The following ODAD2 variants were observed in gnomAD, a reference collection of about 807,000 sequenced individuals.
The protein encoded by ODAD2 is outer dynein arm docking complex subunit 2.
Under a neutral mutation model 106.8 loss-of-function variants are expected in ODAD2, and 89 were observed. That is an observed-to-expected ratio of 0.83 (90% CI 0.70 to 0.99). The LOEUF is 0.99. ODAD2 is among the 50% of genes least tolerant of loss of function. The probability of loss-of-function intolerance (pLI) is 0.00; values close to 1 mark genes in which losing one functional copy is unlikely to be tolerated. For synonymous variants in ODAD2, 404 were observed against 436.2 expected (o/e 0.93, Z 0.92); for missense variants, 1,168 against 1,238.5 (o/e 0.94, Z 0.85).
chr10:27,863,173 T>A (rs1023897722), intron 17 of ODAD2, among the ~76,000 whole-genome samples: 1 of 152,164 alleles, frequency 6.6e-6, no homozygotes, highest in African/African-American at 2.4e-5. Context: ...GCATTATAGC[T>A]CATGCAATGG....
chr10:27,924,614 GAAAA>G (rs60226782), intron 16 of ODAD2, among the ~76,000 whole-genome samples: 884 of 12,554 alleles, frequency 0.07, 7 homozygotes, highest in Non-Finnish European at 0.098. Flanking sequence ...TGATTAGGAG[GAAAA>G]AAAAAAAAAA....
At position 27,847,623 on chromosome 10, in the gene ODAD2, A is replaced by T. The variant is rs999637588; in HGVS notation, c.3021+13002T>A. Among the ~76,000 whole-genome samples the T allele has an allele frequency of 1.0e-3, 152 of 152,082 alleles. 3 individuals carry two copies. Among genetic ancestry groups the T allele is most frequent in the Non-Finnish European group, 4.3e-4 (29 of 68,020 alleles). On this transcript the variant is annotated intron_variant, in intron 19 of 19. Coordinates refer to ENST00000305242, the MANE Select transcript of ODAD2 (RefSeq NM_018076.5). ...AGGGTATTCAATTAGGAAAAGAGGA[A>T]GTCAAATTGTCCCTGTTTGCAGATG...
intron 16 of ODAD2, among the ~76,000 whole-genome samples, chr10:27,925,422 A>G (rs1845187127): frequency 6.6e-6 from 1 of 152,214 alleles, no homozygotes. Flanking sequence ...CAGTGATGCA[A>G]TCATGGCTTA....
intron 19 of ODAD2, among the ~76,000 whole-genome samples, chr10:27,823,375 T>G (rs1836763971): frequency 6.6e-6 from 1 of 151,820 alleles, no homozygotes; most frequent in Non-Finnish European, 1.5e-5. Flanking sequence ...GAAAAAAATA[T>G]TCCCATAGAT....
At chr10:27,973,411 G>T (rs1278877588) in intron 7 of ODAD2, among the ~76,000 whole-genome samples, 1 of 152,070 alleles carries the variant, frequency 6.6e-6, no homozygotes. Context: ...ACAGGTGTTT[G>T]CTGTACAGAT....
intron 10 of ODAD2, among the ~76,000 whole-genome samples, chr10:27,945,577 C>T (rs567346032): frequency 3.3e-5 from 5 of 152,206 alleles, no homozygotes; most frequent in East Asian, 3.9e-4. Flanking sequence ...TCTTGCAAAC[C>T]AATGTCTTCT....
At chr10:27,814,042 T>C (rs989730443) in intron 19 of ODAD2, among the ~76,000 whole-genome samples, 1 of 152,006 alleles carries the variant, frequency 6.6e-6, no homozygotes. Flanking sequence ...GTTGTAGGAG[T>C]CTCTTCTTGG....
At chr10:27,905,201 T>A (rs1338290074) in intron 17 of ODAD2, 3 of 182,014 alleles carry the variant, frequency 1.6e-5, no homozygotes, top group Admixed American at 5.0e-5. Context: ...GACAATAAAA[T>A]CTCGAGGTTA....
intron 3 of ODAD2, 65 bp downstream of exon 3, chr10:27,987,321 T>A: frequency 6.8e-7 from 1 of 1,477,820 alleles, no homozygotes; most frequent in Admixed American, 1.9e-5. Flanking sequence ...CTCCCACCCT[T>A]TCCCCACTTT....
intron 9 of ODAD2, among the ~76,000 whole-genome samples, chr10:27,962,530 A>T (rs979005191): frequency 4.6e-5 from 7 of 152,240 alleles, no homozygotes; most frequent in African/African-American, 1.7e-4. Flanking sequence ...TTGCAAGGGC[A>T]CAAGGTGCCA....
chr10:27,948,992 C>T lies in ODAD2; in HGVS notation c.1387-4030G>A, dbSNP rs184442290. 2.7e-3 allele frequency among the ~76,000 whole-genome samples: 403 copies of T among 152,028 alleles called. 8 individuals are homozygous for T. Among genetic ancestry groups the T allele is most frequent in the Non-Finnish European group, 1.3e-3 (90 of 67,972 alleles). ...GAATTAAAGATAATTTCCTCAACTACGTTTTTTTAATTACTTCAAATAAAA... is the reference window on the plus strand; with the variant it reads ...GAATTAAAGATAATTTCCTCAACTATGTTTTTTTAATTACTTCAAATAAAA... On this transcript the variant is annotated intron_variant, in intron 10 of 19. Transcript: ENST00000305242.
At chr10:27,902,317 G>T (rs1384516805) in intron 17 of ODAD2, among the ~76,000 whole-genome samples, 4 of 152,050 alleles carry the variant, frequency 2.6e-5, no homozygotes, top group Admixed American at 2.6e-4. Context: ...GTGTTTAGAG[G>T]GAAATTTATA....
intron 16 of ODAD2, among the ~76,000 whole-genome samples, chr10:27,925,037 G>A (rs1845161953): frequency 6.9e-6 from 1 of 145,392 alleles, no homozygotes. Flanking sequence ...GTATAACATT[G>A]ATAACTAGAT....
At chr10:27,823,798 G>C (rs888604558) in intron 19 of ODAD2, among the ~76,000 whole-genome samples, 4 of 152,072 alleles carry the variant, frequency 2.6e-5, no homozygotes, top group African/African-American at 9.7e-5. Context: ...CCGTTAGATA[G>C]TCAAAAACAA....
At chr10:27,846,849 A>C in intron 19 of ODAD2, among the ~76,000 whole-genome samples, 1 of 151,824 alleles carries the variant, frequency 6.6e-6, no homozygotes, top group South Asian at 2.1e-4. Flanking sequence ...TCCTGGACAC[A>C]TACACCCTCC....
intron 19 of ODAD2, among the ~76,000 whole-genome samples, chr10:27,854,586 T>C (rs1000340091): frequency 1.3e-5 from 2 of 152,120 alleles, no homozygotes; most frequent in African/African-American, 4.8e-5. Context: ...CAAAACCCAG[T>C]CTCTACCAAA....
intron 14 of ODAD2, among the ~76,000 whole-genome samples, chr10:27,938,601 TTTC>T (rs1446341115): frequency 2.6e-5 from 4 of 151,424 alleles, no homozygotes. Context: ...TCTCTTCTTT[TTTC>T]TTTTTTTTTT....
chr10:27,957,480 T>G (rs7907935), intron 10 of ODAD2: 2 of 151,896 alleles, frequency 1.3e-5, no homozygotes, highest in Admixed American at 6.6e-5. Context: ...ACAGACAACC[T>G]GAACCATCAG....
intron 12 of ODAD2, among the ~76,000 whole-genome samples, chr10:27,943,160 T>C (rs1218991988): frequency 6.6e-6 from 1 of 152,234 alleles, no homozygotes; most frequent in Non-Finnish European, 1.5e-5. Context: ...TGAAAACATG[T>C]TGACTTTTTA....
Sources: gnomAD v4.1 joint callset for allele counts (sites outside exome capture counted in the v4.1 genomes callset) on GRCh38, gnomAD v4.1.1 for gene constraint, MANE v1.5 for transcripts, NCBI Gene and HGNC (gene_info 2026-07-23, HGNC 2026-07-21) for gene names.